ZNF276: variants seen among roughly 807,000 people sequenced by gnomAD.
ZNF276 encodes centromere protein Z.
Under a neutral mutation model 63.9 loss-of-function variants are expected in ZNF276, and 59 were observed. That is an observed-to-expected ratio of 0.92 (90% CI 0.75 to 1.15). The LOEUF (loss-of-function observed/expected upper bound fraction) is 1.15, where lower values mean the gene tolerates loss of function less well. Ranked by LOEUF, ZNF276 falls within the 50% of genes most tolerant of loss-of-function variation. The pLI, the probability that ZNF276 is intolerant of heterozygous loss-of-function variation, is 0.00. For synonymous variants in ZNF276, 496 were observed against 348.4 expected (o/e 1.42, Z -4.72); for missense variants, 1,084 against 843.8 (o/e 1.28, Z -3.53).
intron 6 of ZNF276, 149 bp downstream of exon 6, chr16:89,729,467 A>T: frequency 1.5e-6 from 1 of 688,660 alleles, no homozygotes; most frequent in Non-Finnish European, 2.5e-6. Context: ...TCCCTCAGTG[A>T]GCGGGAGGCG....
At chr16:89,728,794 C>G (rs1767121646) in intron 5 of ZNF276, among the ~76,000 whole-genome samples, 1 of 152,204 alleles carries the variant, frequency 6.6e-6, no homozygotes, top group Non-Finnish European at 1.5e-5. Context: ...ACGTCACCCT[C>G]CCAAAGTGCT....
intron 6 of ZNF276, 72 bp downstream of exon 6, chr16:89,729,390 C>G (rs1411113413): frequency 1.5e-6 from 2 of 1,348,490 alleles, no homozygotes; most frequent in African/African-American, 2.9e-5. Flanking sequence ...GCTCCAGGGC[C>G]TCTCCCCGGT....
rs1042863999 is a variant in ZNF276 at position 89,721,705 on chromosome 16, A to ACGG, written c.77_79dup (p.Gly26dup). The ACGG allele has an allele frequency of 5.9e-5, 81 of 1,376,610 alleles. 1 individual carries two copies. In the Admixed American group the frequency reaches 1.4e-3, roughly 24 times the overall value. 85.3% of individuals were successfully genotyped at this position (1,376,610 alleles called of 1,614,324 possible). A position where few individuals can be genotyped will look rare whatever the true frequency, so the allele number is the denominator to read the frequency against. On this transcript the variant is annotated inframe_insertion, in exon 1 of 11. Coordinates refer to ENST00000443381, the MANE Select transcript of ZNF276 (RefSeq NM_001113525.2). ...TCGTCCCGACAGTGCGGGGCCTCGGACGGCGGCGGCGGCGTCAGCCGGACT... is the reference window on the plus strand; with the variant it reads ...TCGTCCCGACAGTGCGGGGCCTCGGACGGCGGCGGCGGCGGCGTCAGCCGGACT...
chr16:89,722,947 C>A, intron 2 of ZNF276, 113 bp downstream of exon 2: 1 of 1,555,880 alleles, frequency 6.4e-7, no homozygotes, highest in East Asian at 2.3e-5. Flanking sequence ...GGGGAATGGG[C>A]CATGCCCGGG....
At chr16:89,728,008 C>A (rs2061520821) in intron 5 of ZNF276, among the ~76,000 whole-genome samples, 1 of 152,176 alleles carries the variant, frequency 6.6e-6, no homozygotes, top group Non-Finnish European at 1.5e-5. Flanking sequence ...TTTCCACCCT[C>A]TCCTGTAAAC....
chr16:89,733,919 A>G lies in ZNF276; in HGVS notation c.1357-2A>G. The G allele has an allele frequency of 3.1e-6, 5 of 1,613,514 alleles. No individual in the cohort carries two copies. Among genetic ancestry groups the G allele is most frequent in the Non-Finnish European group, 3.4e-6 (4 of 1,179,800 alleles). On this transcript the variant is annotated splice_acceptor_variant, in intron 8 of 10. Transcript: ENST00000443381. LOFTEE classifies it high-confidence loss of function. ...GGGTCTCTCACCGAGTCTCTCCTTCAGAAGCACATCAAGGAGCACCACGAG... is the reference window on the plus strand; with the variant it reads ...GGGTCTCTCACCGAGTCTCTCCTTCGGAAGCACATCAAGGAGCACCACGAG...
chr16:89,722,164 C>T (rs1474270608), intron 1 of ZNF276, among the ~76,000 whole-genome samples: 1 of 152,180 alleles, frequency 6.6e-6, no homozygotes, highest in African/African-American at 2.4e-5. Flanking sequence ...CGTGCCCTCG[C>T]GGAGCCGGAA....
At chr16:89,721,021 G>A (rs1438223307), upstream of ZNF276, 5 of 650,304 alleles carry the variant, frequency 7.7e-6, no homozygotes, top group African/African-American at 1.9e-5. Context: ...CGCGTACTGC[G>A]GGCCCCACGG....
At chr16:89,724,878 A>G (rs1377254847) in intron 4 of ZNF276, among the ~76,000 whole-genome samples, 1 of 152,118 alleles carries the variant, frequency 6.6e-6, no homozygotes, top group Non-Finnish European at 1.5e-5. Flanking sequence ...CTACCTACCT[A>G]TCTGTATATC....
chr16:89,729,255 A>G lies in ZNF276; in HGVS notation c.1106A>G (p.Glu369Gly). 1 of 1,614,160 alleles carries G rather than the reference A, an allele frequency of 6.2e-7. No homozygotes were observed. The highest frequency in any genetic ancestry group is 8.5e-7 in the Non-Finnish European group (1 of 1,180,012). ...CCTAGAGACGTCTTGAGTGAAGATG[A>G]AAATGACAAGAAGCAAAATGCCCAG... Reference protein sequence around the residue: ...LSEGDVLSEDENDKKQNAQSS... With the variant: ...LSEGDVLSEDGNDKKQNAQSS... The change falls in exon 6 of 11, where the codon GAA becomes GGA. Residue 369 changes from glutamate to glycine, a missense_variant. Physicochemically the swap from Glu to Gly is moderately conservative, Grantham distance 98. Coordinates refer to ENST00000443381, the MANE Select transcript of ZNF276 (RefSeq NM_001113525.2).
rs1168215287 is a variant in ZNF276, at chr16:89,739,607, G to C, written c.*1361G>C. ...CTCTGGACATCTCTGCCTATTATCAGTGCTGGGGACACCCCTGGGGGTCGG... is the reference window on the plus strand; with the variant it reads ...CTCTGGACATCTCTGCCTATTATCACTGCTGGGGACACCCCTGGGGGTCGG... On this transcript the variant is annotated 3_prime_UTR_variant, in exon 11 of 11. Coordinates refer to ENST00000443381, the MANE Select transcript of ZNF276 (RefSeq NM_001113525.2). The C allele has an allele frequency of 1.4e-5, 21 of 1,538,170 alleles. No homozygotes were observed. Among genetic ancestry groups the C allele is most frequent in the Non-Finnish European group, 1.8e-5 (21 of 1,135,752 alleles).
rs753571435 is a variant in ZNF276, at chr16:89,737,809, T to C, written c.1478T>C (p.Val493Ala). The C allele has an allele frequency of 1.2e-6, 2 of 1,613,688 alleles. No homozygotes were observed. Among genetic ancestry groups the C allele is most frequent in the Non-Finnish European group, 1.7e-6 (2 of 1,179,968 alleles). ...QRHVKLIHTE[V>A]RNYICDECGQ... ...TCACTGGACTCTCCCCTCTCAGAGG[T>C]GCGGAACTATATCTGTGACGAATGT... The change falls in exon 10 of 11, where the codon GTG (valine) becomes GCG (alanine). Residue 493 changes from valine (V) to alanine (A), a missense_variant. Coordinates refer to ENST00000443381, the MANE Select transcript of ZNF276 (RefSeq NM_001113525.2).
intron 4 of ZNF276, 98 bp from the exon 5 acceptor site, chr16:89,727,181 C>G (rs924386213): frequency 8.0e-7 from 1 of 1,255,546 alleles, no homozygotes; most frequent in Non-Finnish European, 1.2e-6. Flanking sequence ...GGACCCCAGT[C>G]TCCCTTCTAG....
chr16:89,724,858 C>G (rs982696065), intron 4 of ZNF276, among the ~76,000 whole-genome samples: 10 of 149,596 alleles, frequency 6.7e-5, no homozygotes, highest in African/African-American at 2.6e-4. Context: ...ACTTCTTTGT[C>G]TCTCTCTATC....
In ZNF276 at chr16:89,733,534, T is replaced by C. The variant is rs779184611; in HGVS notation, c.1333T>C (p.Tyr445His). 2.7e-5 allele frequency: 44 copies of C among 1,613,972 alleles called. No individual in the cohort carries two copies. In the Middle Eastern group the frequency reaches 5.0e-4, roughly 18 times the overall value. ...TCCTTACCAGGGCTGCACGGCCGTG[T>C]ACCGAGGCGCTGACGGCATGAAGGT... Reference protein sequence around the residue: ...KCPYQGCTAVYRGADGMKKHI... With the variant: ...KCPYQGCTAVHRGADGMKKHI... Residue 445 changes from tyrosine (Y) to histidine (H), a missense_variant, in exon 8 of 11, where the codon TAC becomes CAC. Tyr to His is a moderately conservative substitution (Grantham distance 83, BLOSUM62 2). Coordinates refer to ENST00000443381, the MANE Select transcript of ZNF276 (RefSeq NM_001113525.2).
At chr16:89,723,834 A>T (rs1207070613) in intron 4 of ZNF276, 125 bp downstream of exon 4, 3 of 1,093,300 alleles carry the variant, frequency 2.7e-6, no homozygotes, top group Admixed American at 2.8e-5. Context: ...GAGAAGGAGC[A>T]GAGCTTGGGG....
intron 9 of ZNF276, among the ~76,000 whole-genome samples, chr16:89,735,986 G>C (rs1310886529): frequency 6.6e-6 from 1 of 151,768 alleles, no homozygotes; most frequent in Non-Finnish European, 1.5e-5. Context: ...CCTCTTCCTG[G>C]GGTAAAGCCA....
rs1345499774 is a variant in ZNF276 at position 89,721,555 on chromosome 16, C to G, written c.-86C>G. On this transcript the variant is annotated 5_prime_UTR_variant, in exon 1 of 11. Coordinates refer to ENST00000443381, the MANE Select transcript of ZNF276 (RefSeq NM_001113525.2). ...CTCCCCCGCCCCGCCTCGCTTCCAGCGCGCCGAGCGGAGCCTAACGCCGGG... is the reference window on the plus strand; with the variant it reads ...CTCCCCCGCCCCGCCTCGCTTCCAGGGCGCCGAGCGGAGCCTAACGCCGGG... 2 of 1,326,454 alleles carry G rather than the reference C, an allele frequency of 1.5e-6. No individual in the cohort carries two copies. Among genetic ancestry groups the G allele is most frequent in the South Asian group, 1.4e-5 (1 of 69,796 alleles). 82.2% of individuals were successfully genotyped at this position (1,326,454 alleles called of 1,614,324 possible). A position where few individuals can be genotyped will look rare whatever the true frequency, so the allele number is the denominator to read the frequency against.
intron 9 of ZNF276, among the ~76,000 whole-genome samples, chr16:89,736,190 T>C (rs1399534730): frequency 6.6e-6 from 1 of 152,016 alleles, no homozygotes; most frequent in Non-Finnish European, 1.5e-5. Flanking sequence ...GACGCCTGGG[T>C]AATTTTTCTA....
Sources: gnomAD v4.1 joint callset for allele counts (sites outside exome capture counted in the v4.1 genomes callset) on GRCh38, gnomAD v4.1.1 for gene constraint, MANE v1.5 for transcripts, NCBI Gene and HGNC (gene_info 2026-07-23, HGNC 2026-07-21) for gene names.